Variants in GPR180 observed in about 807,000 individuals in gnomAD.
GPR180 encodes G protein-coupled receptor 180, also known as integral membrane protein GPR180.
GPR180 carries 53 observed loss-of-function variants against 52.6 expected under a neutral mutation model. The ratio of observed to expected loss-of-function variants is 1.01; its 90% CI spans 0.81 to 1.27. GPR180 has a LOEUF of 1.27. Among genes scored for constraint, GPR180 ranks in the 50% most tolerant of loss-of-function variants. The pLI, the probability that GPR180 is intolerant of heterozygous loss-of-function variation, is 0.00. For synonymous variants in GPR180, 200 were observed against 193.1 expected, an observed-to-expected ratio of 1.04 and a Z score of -0.30; for missense variants, 533 against 527.0, an observed-to-expected ratio of 1.01 and a Z score of -0.11.
rs751008168 is a variant in GPR180, at chr13:94,619,149, G to A, written c.506-1G>A. ...GCAAACTCCCTTTCTTCTCTTCACA[G>A]GGTTACATGAGTTCTTTTTCCTCCT... On this transcript the variant is annotated splice_acceptor_variant, in intron 3 of 8. Transcript: ENST00000376958. LOFTEE classifies it high-confidence loss of function. 23 of 1,612,576 alleles carry A rather than the reference G, an allele frequency of 1.4e-5. No homozygotes were observed. The highest frequency in any genetic ancestry group is 1.9e-5 in the Non-Finnish European group (22 of 1,179,358).
In GPR180 at chr13:94,634,061, T is replaced by C. The variant is rs978722927; in HGVS notation, c.*6890T>C. On this transcript the variant is annotated 3_prime_UTR_variant, in exon 9 of 9. Coordinates refer to ENST00000376958, the MANE Select transcript of GPR180 (RefSeq NM_180989.6). ...TGTAGTCTTAAAATTGCTGTACGCTTTGGTAGGGATAATTTTCTGTTAAGT... is the reference window on the plus strand; with the variant it reads ...TGTAGTCTTAAAATTGCTGTACGCTCTGGTAGGGATAATTTTCTGTTAAGT... 5.3e-5 allele frequency: 8 copies of C among 152,158 alleles called. No individual in the cohort carries two copies. Among genetic ancestry groups the C allele is most frequent in the Non-Finnish European group, 1.0e-4 (7 of 68,014 alleles). 9.4% of individuals were successfully genotyped at this position (152,158 alleles called of 1,614,324 possible). A position where few individuals can be genotyped will look rare whatever the true frequency, so the allele number is the denominator to read the frequency against.
intron 7 of GPR180, among the ~76,000 whole-genome samples, chr13:94,624,052 T>C (rs1015868048): frequency 6.6e-6 from 1 of 152,212 alleles, no homozygotes; most frequent in Admixed American, 6.5e-5. Flanking sequence ...TGAGTCCATG[T>C]GTTTCAGCCA....
Position 94,627,338 on chromosome 13 carries a change from G to A in GPR180, c.*167G>A. 4 of 502,438 alleles carry A rather than the reference G, an allele frequency of 8.0e-6. No homozygotes were observed. Among genetic ancestry groups the A allele is most frequent in the East Asian group, 3.5e-5 (1 of 28,980 alleles). 31.1% of individuals were successfully genotyped at this position (502,438 alleles called of 1,614,324 possible). A position where few individuals can be genotyped will look rare whatever the true frequency, so the allele number is the denominator to read the frequency against. On this transcript the variant is annotated 3_prime_UTR_variant, in exon 9 of 9. Coordinates refer to ENST00000376958, the MANE Select transcript of GPR180 (RefSeq NM_180989.6). Reference sequence around the variant, plus strand: ...AGCAGTACCAAGACTGAAAAAAAAGGTAATAAATGAAATGTTTTGAAATAT... The same window carrying A: ...AGCAGTACCAAGACTGAAAAAAAAGATAATAAATGAAATGTTTTGAAATAT...
At chr13:94,623,695 A>C (rs953306945) in intron 7 of GPR180, among the ~76,000 whole-genome samples, 3 of 151,922 alleles carry the variant, frequency 2.0e-5, no homozygotes, top group South Asian at 4.2e-4. Context: ...AAAAAAAAAA[A>C]AAAAAACTTC....
chr13:94,602,919 T>C (rs75230504), intron 1 of GPR180, among the ~76,000 whole-genome samples: 1,544 of 152,344 alleles, frequency 0.01, 30 homozygotes, highest in African/African-American at 0.033. Context: ...GAACTTTGAT[T>C]TGTACAGTCT....
At chr13:94,621,966 G>A (rs1889857875) in intron 6 of GPR180, among the ~76,000 whole-genome samples, 2 of 152,166 alleles carry the variant, frequency 1.3e-5, no homozygotes, top group Non-Finnish European at 2.9e-5. Context: ...CTTAGGCTCT[G>A]TAGAGGACAT....
At chr13:94,626,746 A>C (rs1323896738) in intron 8 of GPR180, among the ~76,000 whole-genome samples, 3 of 152,162 alleles carry the variant, frequency 2.0e-5, no homozygotes, top group African/African-American at 7.2e-5. Context: ...TCTGTAGTGC[A>C]TACCCTTAGG....
Position 94,631,759 on chromosome 13 carries a change from C to G in GPR180, c.*4588C>G, listed in dbSNP as rs1303753674. On this transcript the variant is annotated 3_prime_UTR_variant, in exon 9 of 9. Coordinates refer to ENST00000376958, the MANE Select transcript of GPR180 (RefSeq NM_180989.6). The stretch of plus-strand genomic sequence containing the variant: ...AATAATACCTTGCCTATTCTTTGTT[C>G]AATTGCATGGAACTTGGTAGTGTGT... 1 of 151,798 alleles carries G rather than the reference C, an allele frequency of 6.6e-6. No individual in the cohort carries two copies. The highest frequency in any genetic ancestry group is 1.5e-5 in the Non-Finnish European group (1 of 67,956). 9.4% of individuals were successfully genotyped at this position (151,798 alleles called of 1,614,324 possible). A position where few individuals can be genotyped will look rare whatever the true frequency, so the allele number is the denominator to read the frequency against.
At chr13:94,615,781 G>A (rs988094468) in intron 3 of GPR180, among the ~76,000 whole-genome samples, 2 of 152,176 alleles carry the variant, frequency 1.3e-5, no homozygotes, top group African/African-American at 4.8e-5. Context: ...CCATCTCACT[G>A]TTTTTAAAAT....
In GPR180 at chr13:94,617,358, T is replaced by G. The variant is rs575630698; in HGVS notation, c.506-1792T>G. ...ATAAGGAACTTTACTGACCCACAGT[T>G]GTTATAATATATTTAGCATTTTTAT... On this transcript the variant is annotated intron_variant, in intron 3 of 8. Coordinates refer to ENST00000376958, the MANE Select transcript of GPR180 (RefSeq NM_180989.6). 1.5e-4 allele frequency among the ~76,000 whole-genome samples: 23 copies of G among 152,318 alleles called. No individual in the cohort carries two copies. In the East Asian group the frequency reaches 4.4e-3, roughly 29 times the overall value.
intron 1 of GPR180, among the ~76,000 whole-genome samples, chr13:94,604,446 A>G (rs553280592): frequency 7.8e-4 from 118 of 151,986 alleles, no homozygotes; most frequent in African/African-American, 2.8e-3. Flanking sequence ...GTGGAGGCGC[A>G]TGCCTGTAAT....
rs1890028880 is a variant in GPR180, at chr13:94,633,659, T to C, written c.*6488T>C. The stretch of plus-strand genomic sequence containing the variant: ...GTTTCTCAATTTGTGATTTTTCTCT[T>C]TACTTTTTTAATGGTGTCTTTTTCT... On this transcript the variant is annotated 3_prime_UTR_variant, in exon 9 of 9. Coordinates refer to ENST00000376958, the MANE Select transcript of GPR180 (RefSeq NM_180989.6). 2 of 152,092 alleles carry C rather than the reference T, an allele frequency of 1.3e-5. No homozygotes were observed. The highest frequency in any genetic ancestry group is 2.9e-5 in the Non-Finnish European group (2 of 68,022). The allele number at this position is 152,092 out of a possible 1,614,324, so 9.4% of individuals were successfully genotyped here.
intron 2 of GPR180, among the ~76,000 whole-genome samples, chr13:94,606,136 A>G (rs1057031237): frequency 1.3e-5 from 2 of 152,204 alleles, no homozygotes; most frequent in African/African-American, 4.8e-5. Flanking sequence ...TACTAAAAAT[A>G]CAGAAAAAAA....
chr13:94,617,807 C>A (rs978164186), intron 3 of GPR180, among the ~76,000 whole-genome samples: 3 of 152,170 alleles, frequency 2.0e-5, no homozygotes, highest in African/African-American at 7.2e-5. Context: ...TCCATAGACT[C>A]AATTAAGACA....
rs144464990 is a variant in GPR180 at position 94,619,866 on chromosome 13, A to T, written c.736+349A>T. ...TCCCAGTAGCTGGGATTACAGGCAC[A>T]TACCATCATGCCTGGCTGATTTTTA... On this transcript the variant is annotated intron_variant, in intron 5 of 8. Coordinates refer to ENST00000376958, the MANE Select transcript of GPR180 (RefSeq NM_180989.6). Among the ~76,000 whole-genome samples, 1,510 of 152,190 alleles carry T rather than the reference A, an allele frequency of 9.9e-3. 13 individuals are homozygous for T. The highest frequency in any genetic ancestry group is 0.014 in the Non-Finnish European group (974 of 67,996).
In GPR180 at chr13:94,627,258, AGT is replaced by A; in HGVS notation, c.*88_*89del. 8.8e-7 allele frequency: 1 copy of A among 1,140,294 alleles called. No individual in the cohort carries two copies. Among genetic ancestry groups the A allele is most frequent in the Non-Finnish European group, 1.3e-6 (1 of 784,808 alleles). 70.6% of individuals were successfully genotyped at this position (1,140,294 alleles called of 1,614,324 possible). A position where few individuals can be genotyped will look rare whatever the true frequency, so the allele number is the denominator to read the frequency against. ...ACAGTGACTTTTTTTTCATACATTT[AGT>A]ATGAAAACTTGAACAGCGAAAGCAG... On this transcript the variant is annotated 3_prime_UTR_variant, in exon 9 of 9. Coordinates refer to ENST00000376958, the MANE Select transcript of GPR180 (RefSeq NM_180989.6).
At chr13:94,622,278 T>C (rs954302947) in intron 6 of GPR180, among the ~76,000 whole-genome samples, 4 of 152,250 alleles carry the variant, frequency 2.6e-5, no homozygotes, top group Non-Finnish European at 4.4e-5. Flanking sequence ...GTAGTGTCAA[T>C]GTCAGGTTAA....
rs1368225789 is a variant in GPR180, at chr13:94,628,543, G to A, written c.*1372G>A. The A allele has an allele frequency of 6.6e-6, 1 of 151,832 alleles. No homozygotes were observed. Among genetic ancestry groups the A allele is most frequent in the Non-Finnish European group, 1.5e-5 (1 of 67,868 alleles). The allele number at this position is 151,832 out of a possible 1,614,324, so 9.4% of individuals were successfully genotyped here. On this transcript the variant is annotated 3_prime_UTR_variant, in exon 9 of 9. Transcript: ENST00000376958. ...GTAGTGCAACTTAAAAATATCTATGGCTTTGTTTTTGTTTTTCTTTTGTAC... is the reference window on the plus strand; with the variant it reads ...GTAGTGCAACTTAAAAATATCTATGACTTTGTTTTTGTTTTTCTTTTGTAC...
At chr13:94,619,409 T>G in intron 4 of GPR180, 59 bp from the exon 5 acceptor site, 1 of 1,602,074 alleles carries the variant, frequency 6.2e-7, no homozygotes, top group South Asian at 1.1e-5. Context: ...ATGCTTGCTT[T>G]GATTATAAAC....
Sources: gnomAD v4.1 joint callset for allele counts (sites outside exome capture counted in the v4.1 genomes callset) on GRCh38, gnomAD v4.1.1 for gene constraint, MANE v1.5 for transcripts, NCBI Gene and HGNC (gene_info 2026-07-23, HGNC 2026-07-21) for gene names.